Variants in SDK1 observed in about 807,000 individuals in gnomAD.
SDK1 encodes sidekick cell adhesion molecule 1, also known as protein sidekick-1.
SDK1 carries 157 observed loss-of-function variants against 245.5 expected under a neutral mutation model. The ratio of observed to expected loss-of-function variants is 0.64; its 90% CI spans 0.56 to 0.73. SDK1 has a LOEUF of 0.73. SDK1 is among the 30% of genes least tolerant of loss of function. The pLI is 0.00. For synonymous variants in SDK1, 1,647 were observed against 1,278.5 expected (o/e 1.29, Z -6.15); for missense variants, 3,583 against 3,002.3 (o/e 1.19, Z -4.52).
At chr7:3,701,811 A>C (rs947983169) in intron 4 of SDK1, among the ~76,000 whole-genome samples, 10 of 152,060 alleles carry the variant, frequency 6.6e-5, no homozygotes, top group Admixed American at 5.9e-4. Context: ...GAACATAGAA[A>C]TAGGCCCACA....
At chr7:4,161,546 G>A (rs1026335036) in intron 31 of SDK1, among the ~76,000 whole-genome samples, 2 of 152,210 alleles carry the variant, frequency 1.3e-5, no homozygotes, top group African/African-American at 2.4e-5. Flanking sequence ...ACCACAGGGA[G>A]AGCCCAGTCT....
At chr7:3,719,541 A>G (rs1289360820) in intron 4 of SDK1, among the ~76,000 whole-genome samples, 2 of 152,238 alleles carry the variant, frequency 1.3e-5, no homozygotes, top group South Asian at 4.1e-4. Flanking sequence ...GACTCAGTGA[A>G]GAAAAGGTGG....
At chr7:4,010,265 G>T (rs2128148648) in intron 14 of SDK1, among the ~76,000 whole-genome samples, 2 of 152,340 alleles carry the variant, frequency 1.3e-5, no homozygotes, top group Admixed American at 1.3e-4. Context: ...GGGCTGAAAA[G>T]CCTGTTTAAA....
At chr7:3,989,569 G>A (rs1021318151) in intron 14 of SDK1, among the ~76,000 whole-genome samples, 2 of 152,138 alleles carry the variant, frequency 1.3e-5, no homozygotes, top group Non-Finnish European at 2.9e-5. Context: ...GTCTCTGGAT[G>A]ATACTGGTGT....
intron 32 of SDK1, among the ~76,000 whole-genome samples, chr7:4,167,136 G>T (rs1051156223): frequency 1.3e-5 from 2 of 152,192 alleles, no homozygotes; most frequent in African/African-American, 4.8e-5. Context: ...TGGCACGCCT[G>T]TAATCCCAGC....
chr7:4,128,825 A>C (rs1416214989), intron 26 of SDK1, among the ~76,000 whole-genome samples: 1 of 94,852 alleles, frequency 1.1e-5, no homozygotes, highest in Non-Finnish European at 2.1e-5. Flanking sequence ...GTGCCCTGGA[A>C]TAGAGCAGCT....
intron 25 of SDK1, among the ~76,000 whole-genome samples, chr7:4,122,336 G>T (rs1227721190): frequency 2.0e-5 from 3 of 152,158 alleles, no homozygotes; most frequent in Non-Finnish European, 4.4e-5. Context: ...GGATGAGATG[G>T]GGAGGTGAAG....
intron 3 of SDK1, among the ~76,000 whole-genome samples, chr7:3,641,019 G>A: frequency 6.6e-6 from 1 of 151,346 alleles, no homozygotes. Flanking sequence ...TTTCTCCTTT[G>A]CTTTGATAAC....
intron 5 of SDK1, among the ~76,000 whole-genome samples, chr7:3,872,683 T>A (rs1221385073): frequency 6.6e-6 from 1 of 151,870 alleles, no homozygotes; most frequent in Non-Finnish European, 1.5e-5. Flanking sequence ...TGCCTAGAAA[T>A]TTACTGCTTT....
rs562262128 is a variant in SDK1, at chr7:3,346,085, C to G, written c.298+44201C>G. ...TTTAAGATTTAGAGTCTCAGTTTTT[C>G]CACATTGCAACTTGTGATACTGCAT... is the stretch of plus-strand genomic sequence containing the variant. On this transcript the variant is annotated intron_variant, in intron 1 of 44. Coordinates refer to ENST00000404826, the MANE Select transcript of SDK1 (RefSeq NM_152744.4). 4.6e-5 allele frequency among the ~76,000 whole-genome samples: 7 copies of G among 152,306 alleles called. No homozygotes were observed. The South Asian group carries it at 1.5e-3, about 32-fold the overall frequency.
chr7:3,676,890 A>G lies in SDK1; in HGVS notation c.713+34785A>G, dbSNP rs187213184. Among the ~76,000 whole-genome samples the G allele has an allele frequency of 9.4e-4, 143 of 152,200 alleles. 1 individual carries two copies. The highest frequency in any genetic ancestry group is 3.2e-3 in the African/African-American group (131 of 41,526). On this transcript the variant is annotated intron_variant, in intron 4 of 44. Coordinates refer to ENST00000404826, the MANE Select transcript of SDK1 (RefSeq NM_152744.4). ...GTGTGTCTACTTTTGTATTCATACC[A>G]TGCTATTTTAGTTTCTTAGGCCTTG... is the stretch of plus-strand genomic sequence containing the variant.
intron 4 of SDK1, among the ~76,000 whole-genome samples, chr7:3,647,668 A>C (rs980026866): frequency 6.6e-6 from 1 of 152,030 alleles, no homozygotes; most frequent in Non-Finnish European, 1.5e-5. Context: ...GACTTCAGGC[A>C]ATCCACCCGC....
chr7:4,097,118 C>G (rs1232780576), intron 22 of SDK1, among the ~76,000 whole-genome samples: 1 of 152,264 alleles, frequency 6.6e-6, no homozygotes, highest in Non-Finnish European at 1.5e-5. Flanking sequence ...CTTCACCCAG[C>G]TGGGCAGAGG....
At chr7:3,730,505 G>A (rs1343640072) in intron 4 of SDK1, among the ~76,000 whole-genome samples, 1 of 152,152 alleles carries the variant, frequency 6.6e-6, no homozygotes, top group Non-Finnish European at 1.5e-5. Context: ...ATGTGAATGA[G>A]AAGACTCTAG....
chr7:3,874,666 G>C (rs1562506058), intron 5 of SDK1, among the ~76,000 whole-genome samples: 1 of 151,874 alleles, frequency 6.6e-6, no homozygotes, highest in Admixed American at 6.6e-5. Context: ...TTTTTGTTTT[G>C]TTTTTTGCTC....
intron 5 of SDK1, among the ~76,000 whole-genome samples, chr7:3,852,550 A>C (rs920613785): frequency 1.3e-5 from 2 of 151,842 alleles, no homozygotes; most frequent in Middle Eastern, 3.4e-3. Flanking sequence ...GATTGAGACC[A>C]TCCTGGCTAA....
chr7:4,012,132 A>C lies in SDK1; in HGVS notation c.2317A>C (p.Lys773Gln), dbSNP rs759685156. Reference protein sequence around the residue: ...LPEEPPSAPPKNIVASGRTNQ... With the variant: ...LPEEPPSAPPQNIVASGRTNQ... ...TGAAGAACCACCCAGTGCTCCCCCGAAAAATATAGTGGCCAGTGGGCGGAC... is the reference window on the plus strand; with the variant it reads ...TGAAGAACCACCCAGTGCTCCCCCGCAAAATATAGTGGCCAGTGGGCGGAC... The change falls in exon 16 of 45, where the codon AAA becomes CAA. Residue 773 changes from lysine (K) to glutamine (Q), a missense_variant. Coordinates refer to ENST00000404826, the MANE Select transcript of SDK1 (RefSeq NM_152744.4). 3.6e-5 allele frequency: 57 copies of C among 1,576,044 alleles called. No homozygotes were observed. In the Middle Eastern group the frequency reaches 8.3e-4, roughly 23 times the overall value.
chr7:3,446,016 T>A (rs1780331722), intron 1 of SDK1, among the ~76,000 whole-genome samples: 1 of 152,134 alleles, frequency 6.6e-6, no homozygotes, highest in South Asian at 2.1e-4. Flanking sequence ...ATAATTTTGC[T>A]GGATATAGAA....
chr7:4,118,002 C>G (rs1186600022), intron 25 of SDK1, among the ~76,000 whole-genome samples: 1 of 152,022 alleles, frequency 6.6e-6, no homozygotes, highest in African/African-American at 2.4e-5. Context: ...ATATGGATGG[C>G]CCAGGAACTC....
Sources: gnomAD v4.1 joint callset for allele counts (sites outside exome capture counted in the v4.1 genomes callset) on GRCh38, gnomAD v4.1.1 for gene constraint, MANE v1.5 for transcripts, NCBI Gene and HGNC (gene_info 2026-07-23, HGNC 2026-07-21) for gene names.